The following LRRFIP1 variants were observed in gnomAD, a reference collection of about 807,000 sequenced individuals.
LRRFIP1 encodes LRR binding FLII interacting protein 1, also known as leucine-rich repeat flightless-interacting protein 1.
Under a neutral mutation model 104.4 loss-of-function variants are expected in LRRFIP1, and 62 were observed. That is an observed-to-expected ratio of 0.59 (90% CI 0.48 to 0.73). The LOEUF (loss-of-function observed/expected upper bound fraction) is 0.73. LRRFIP1 is among the 30% of genes least tolerant of loss of function. The pLI is 0.00. For missense variants in LRRFIP1, 796 were observed against 824.5 expected, an observed-to-expected ratio of 0.97 and a Z score of 0.42; for synonymous variants, 300 against 299.0, an observed-to-expected ratio of 1.00 and a Z score of -0.03.
chr2:237,719,592 T>C (rs759001391), intron 5 of LRRFIP1, 25 bp downstream of exon 5: 11 of 1,586,468 alleles, frequency 6.9e-6, no homozygotes, highest in Non-Finnish European at 9.5e-6. Context: ...CATTCATTAC[T>C]TGGGCAATTT....
At chr2:237,692,538 T>G in intron 1 of LRRFIP1, 1 of 1,502,306 alleles carries the variant, frequency 6.7e-7, no homozygotes, top group Non-Finnish European at 8.9e-7. Context: ...GGAAAGCGCT[T>G]CCGAAACTTT....
chr2:237,664,625 G>A (rs2088830743), intron 1 of LRRFIP1, among the ~76,000 whole-genome samples: 1 of 152,212 alleles, frequency 6.6e-6, no homozygotes, highest in African/African-American at 2.4e-5. Flanking sequence ...GAACTTCTCT[G>A]TGAGTTTTTA....
chr2:237,689,934 T>C (rs908192044), intron 1 of LRRFIP1, among the ~76,000 whole-genome samples: 2 of 152,178 alleles, frequency 1.3e-5, no homozygotes, highest in Admixed American at 6.5e-5. Context: ...GCGGGCACTG[T>C]CATTATCACC....
chr2:237,762,143 A>G (rs1325877578), intron 19 of LRRFIP1, among the ~76,000 whole-genome samples: 1 of 152,234 alleles, frequency 6.6e-6, no homozygotes, highest in Non-Finnish European at 1.5e-5. Context: ...CTTTTTAAAA[A>G]TTACTTGAAA....
At chr2:237,710,180 T>C (rs2094001220) in intron 2 of LRRFIP1, among the ~76,000 whole-genome samples, 1 of 152,162 alleles carries the variant, frequency 6.6e-6, no homozygotes, top group African/African-American at 2.4e-5. Context: ...GTATTTTAAA[T>C]GACAAAATCT....
At position 237,772,891 on chromosome 2, in the gene LRRFIP1, C is replaced by T; in HGVS notation, c.1653C>T (p.Asp551=). The T allele has an allele frequency of 6.2e-7, 1 of 1,613,854 alleles. No homozygotes were observed. The highest frequency in any genetic ancestry group is 1.1e-5 in the South Asian group (1 of 91,088). Residue 551 remains aspartate (D), a synonymous_variant, in exon 22 of 24, where the codon GAC becomes GAT. Coordinates refer to ENST00000308482, the MANE Select transcript of LRRFIP1 (RefSeq NM_001137550.2). The part of the protein sequence containing the change: ...LQRDANRQIS[D]LKFKLAKSEQ... Reference sequence around the variant, plus strand: ...GGGATGCCAACAGACAGATCAGCGACCTCAAATTTAAACTTGCAAAATCTG... The same window carrying T: ...GGGATGCCAACAGACAGATCAGCGATCTCAAATTTAAACTTGCAAAATCTG...
At chr2:237,681,452 C>T (rs1474773745) in intron 1 of LRRFIP1, among the ~76,000 whole-genome samples, 1 of 151,810 alleles carries the variant, frequency 6.6e-6, no homozygotes, top group Non-Finnish European at 1.5e-5. Context: ...CTGCAACCTC[C>T]GCCTCCTGGG....
At chr2:237,638,875 A>G (rs1038989) in intron 1 of LRRFIP1, among the ~76,000 whole-genome samples, 39,126 of 152,138 alleles carry the variant, frequency 0.26, 5,338 homozygotes, top group East Asian at 0.43. Flanking sequence ...CAATGCAGGT[A>G]GACTGGACTG....
chr2:237,772,126 A>C lies in LRRFIP1; in HGVS notation c.1555A>C (p.Lys519Gln). 1.2e-6 allele frequency: 2 copies of C among 1,613,986 alleles called. No homozygotes were observed. The highest frequency in any genetic ancestry group is 1.7e-6 in the Non-Finnish European group (2 of 1,179,870). ...GQLEERQKIGKLDNLRSEDDV... is the reference protein window; with the variant it reads ...GQLEERQKIGQLDNLRSEDDV... ...GCTGGAGGAGAGACAGAAGATTGGC[A>C]AACTAGACAATCTTCGATCTGAAGA... Residue 519 changes from lysine (K) to glutamine (Q), a missense_variant, in exon 21 of 24, where the codon AAA becomes CAA. By Grantham distance (53) the Lys-to-Gln change is moderately conservative. Coordinates refer to ENST00000308482, the MANE Select transcript of LRRFIP1 (RefSeq NM_001137550.2).
At position 237,760,064 on chromosome 2, in the gene LRRFIP1, A is replaced by G. The variant is rs1375039313; in HGVS notation, c.1318A>G (p.Lys440Glu). 3 of 1,613,288 alleles carry G rather than the reference A, an allele frequency of 1.9e-6. No homozygotes were observed. Among genetic ancestry groups the G allele is most frequent in the Admixed American group, 1.7e-5 (1 of 59,962 alleles). Residue 440 changes from lysine (K) to glutamate (E), a missense_variant and splice_region_variant, in exon 19 of 24, where the codon AAA becomes GAA. By Grantham distance (56) the Lys-to-Glu change is moderately conservative. Transcript: ENST00000308482. ...ACGATGAGCCTATTTTTGTTCCCAG[A>G]AACATGGAATAATCCTAAATTCAGA... ...EVVMLKEELK[K>E]HGIILNSEIA... is the part of the protein sequence containing the mutation.
chr2:237,657,608 A>G (rs1036536116), intron 1 of LRRFIP1, among the ~76,000 whole-genome samples: 2 of 152,264 alleles, frequency 1.3e-5, no homozygotes, highest in African/African-American at 4.8e-5. Flanking sequence ...ACAAAGCCTT[A>G]AGGAAAGAAA....
In LRRFIP1 at chr2:237,711,174, C is replaced by T. The variant is rs2094062985; in HGVS notation, c.183+2544C>T. ...TCATGAAAAAGGGGTGCAGGGCAGC[C>T]CTCACTGATGCTTCTGATGAGCACA... On this transcript the variant is annotated intron_variant, in intron 2 of 23. Transcript: ENST00000308482. This position sits in a 1 kb window ranked among gnomAD's most constrained non-coding sequence, Gnocchi z 4.4. Among the ~76,000 whole-genome samples the T allele has an allele frequency of 6.6e-6, 1 of 152,154 alleles. No individual in the cohort carries two copies. Among genetic ancestry groups the T allele is most frequent in the South Asian group, 2.1e-4 (1 of 4,820 alleles).
chr2:237,753,449 A>G lies in LRRFIP1; in HGVS notation c.1008A>G (p.Glu336=), dbSNP rs1381696967. 2 of 1,595,858 alleles carry G rather than the reference A, an allele frequency of 1.3e-6. No homozygotes were observed. The highest frequency in any genetic ancestry group is 1.7e-6 in the Non-Finnish European group (2 of 1,175,922). The change falls in exon 15 of 24, where the codon GAA becomes GAG. Residue 336 remains glutamate (E), a synonymous_variant. Transcript: ENST00000308482. ...MLLELEEQLA[E]SRRQYEEKNK... is the part of the protein sequence containing the mutation. ...TGGAGCTTGAAGAACAGCTGGCTGA[A>G]TCTAGGCGGCAGTACGAAGAGAAAA... is the stretch of plus-strand genomic sequence containing the variant.
At chr2:237,692,366 G>C (rs925683972) in intron 1 of LRRFIP1, 5 of 1,306,764 alleles carry the variant, frequency 3.8e-6, no homozygotes, top group Non-Finnish European at 4.9e-6. Flanking sequence ...TCCGCGGACA[G>C]AGCGCGCGCC....
chr2:237,643,336 C>T (rs1362566677), intron 1 of LRRFIP1, among the ~76,000 whole-genome samples: 1 of 152,190 alleles, frequency 6.6e-6, no homozygotes, highest in Non-Finnish European at 1.5e-5. Context: ...GGGGTGGAGC[C>T]GGGCATTTGG....
chr2:237,739,817 G>C (rs144029880), intron 11 of LRRFIP1, among the ~76,000 whole-genome samples: 4 of 152,134 alleles, frequency 2.6e-5, no homozygotes, highest in African/African-American at 9.7e-5. Flanking sequence ...GTCATCCCCA[G>C]CTTGTTAAGT....
At chr2:237,713,076 C>G (rs1187649122) in intron 2 of LRRFIP1, among the ~76,000 whole-genome samples, 1 of 151,956 alleles carries the variant, frequency 6.6e-6, no homozygotes, top group Non-Finnish European at 1.5e-5. Flanking sequence ...GAGGGGGCCG[C>G]TCTGAGAACA....
At position 237,733,781 on chromosome 2, in the gene LRRFIP1, G is replaced by A. The variant is rs1338342693; in HGVS notation, c.452G>A (p.Cys151Tyr). Residue 151 changes from cysteine (C) to tyrosine (Y), a missense_variant, in exon 9 of 24, where the codon TGT (cysteine) becomes TAT (tyrosine). By Grantham distance (194) the Cys-to-Tyr change is radical. Coordinates refer to ENST00000308482, the MANE Select transcript of LRRFIP1 (RefSeq NM_001137550.2). The stretch of plus-strand genomic sequence containing the variant: ...TTTGCTTTCATCCTCCAGCCCTCCT[G>A]TCTGTACAGCGCTGCCCGGCCTTCG... ...SLNRRSGRPS[C>Y]LYSAARPSGS... 6.2e-7 allele frequency: 1 copy of A among 1,614,014 alleles called. No individual in the cohort carries two copies. Among genetic ancestry groups the A allele is most frequent in the Admixed American group, 1.7e-5 (1 of 60,032 alleles).
At chr2:237,732,432 T>C (rs1414540705) in intron 8 of LRRFIP1, among the ~76,000 whole-genome samples, 1 of 152,226 alleles carries the variant, frequency 6.6e-6, no homozygotes, top group Admixed American at 6.5e-5. Context: ...TTCACATCAC[T>C]TTGTCGCTCC....
Sources: gnomAD v4.1 joint callset for allele counts (sites outside exome capture counted in the v4.1 genomes callset) on GRCh38, gnomAD v4.1.1 for gene constraint, Gnocchi (gnomAD v3.1) non-coding constraint, MANE v1.5 for transcripts, NCBI Gene and HGNC (gene_info 2026-07-23, HGNC 2026-07-21) for gene names.